AVEN: variants seen among roughly 807,000 people sequenced by gnomAD.
AVEN encodes apoptosis and caspase activation inhibitor, also known as cell death regulator Aven.
Under a neutral mutation model 38.1 loss-of-function variants are expected in AVEN, and 41 were observed. The observed-to-expected ratio is 1.08, with a 90% CI of 0.84 to 1.40. The LOEUF is 1.40. Among genes scored for constraint, AVEN ranks in the 40% most tolerant of loss-of-function variants. The pLI is 0.00. For synonymous variants in AVEN, 206 were observed against 171.8 expected, an observed-to-expected ratio of 1.20 and a Z score of -1.56; for missense variants, 605 against 438.8, an observed-to-expected ratio of 1.38 and a Z score of -3.38.
chr15:33,855,001 G>A (rs572406278), downstream of AVEN: 28 of 1,277,384 alleles, frequency 2.2e-5, no homozygotes, highest in Non-Finnish European at 2.7e-5. Flanking sequence ...ATGACAGGAA[G>A]GAATATGTCT....
In AVEN at chr15:33,859,097, G is replaced by C. The variant is rs151056044; in HGVS notation, n.2730-3C>G. 673 of 154,856 alleles carry C rather than the reference G, an allele frequency of 4.3e-3. 7 individuals are homozygous for C. The highest frequency in any genetic ancestry group is 0.016 in the African/African-American group (653 of 41,602). 9.6% of individuals were successfully genotyped at this position (154,856 alleles called of 1,614,324 possible). ...CCCGTGCCTAGATTGGCTCAAACCT[G>C]CAGAACAGGAGGAGCAGAAAAGTCC... is the stretch of plus-strand genomic sequence containing the variant. On this transcript the variant is annotated splice_polypyrimidine_tract_variant and splice_region_variant and intron_variant and non_coding_transcript_variant, in intron 11 of 11. Coordinates refer to the AVEN transcript ENST00000675287.
At chr15:33,852,777 C>T in the AVEN span, 1 of 372,182 alleles carries the variant, frequency 2.7e-6, no homozygotes, top group Non-Finnish European at 5.0e-6. Flanking sequence ...TCTGTCATCA[C>T]AATTCTTGGC....
chr15:33,863,268 C>G (rs534018878), downstream of AVEN, among the ~76,000 whole-genome samples: 1 of 152,244 alleles, frequency 6.6e-6, no homozygotes, highest in South Asian at 2.1e-4. Flanking sequence ...CCCTACGTAT[C>G]AAACAGGATA....
chr15:34,014,722 C>T (rs946398004), intron 1 of AVEN, among the ~76,000 whole-genome samples: 3 of 152,074 alleles, frequency 2.0e-5, no homozygotes, highest in South Asian at 2.1e-4. Flanking sequence ...CTGGGAACAG[C>T]GGCTAAATAT....
chr15:34,044,305 G>A (rs1899602570), intron 5 of AVEN, among the ~76,000 whole-genome samples: 1 of 152,132 alleles, frequency 6.6e-6, no homozygotes, highest in South Asian at 2.1e-4. Flanking sequence ...TGATCTCCAT[G>A]TAACTAAATC....
At chr15:33,963,243 T>C (rs1402753449) in intron 2 of AVEN, among the ~76,000 whole-genome samples, 1 of 152,206 alleles carries the variant, frequency 6.6e-6, no homozygotes, top group East Asian at 1.9e-4. Context: ...GTGCTTTGCA[T>C]GGGTTAATCA....
At chr15:33,896,774 C>T (rs1284960612) in intron 2 of AVEN, among the ~76,000 whole-genome samples, 1 of 152,166 alleles carries the variant, frequency 6.6e-6, no homozygotes, top group Non-Finnish European at 1.5e-5. Context: ...TTTTAAGATC[C>T]TTCAAATCTG....
chr15:33,993,611 A>T (rs1896815292), intron 2 of AVEN, among the ~76,000 whole-genome samples: 1 of 152,206 alleles, frequency 6.6e-6, no homozygotes, highest in Non-Finnish European at 1.5e-5. Context: ...GATCTGTAAA[A>T]TAAAAAATTG....
intron 1 of AVEN, among the ~76,000 whole-genome samples, chr15:34,009,134 T>C (rs1053612565): frequency 2.6e-5 from 4 of 151,900 alleles, no homozygotes; most frequent in Non-Finnish European, 5.9e-5. Context: ...AAAAATAAAC[T>C]GTCAGCCAAG....
At chr15:34,006,155 C>CA (rs1325050294) in intron 1 of AVEN, among the ~76,000 whole-genome samples, 1 of 151,966 alleles carries the variant, frequency 6.6e-6, no homozygotes, top group Non-Finnish European at 1.5e-5. Flanking sequence ...ACTAAAAATA[C>CA]AAAAAATTAA....
chr15:34,038,093 A>G (rs1317531219), intron 1 of AVEN, among the ~76,000 whole-genome samples: 2 of 152,186 alleles, frequency 1.3e-5, no homozygotes, highest in African/African-American at 4.8e-5. Flanking sequence ...TGATATTGCT[A>G]TTAAAACTCA....
At chr15:34,034,842 C>T (rs764938819) in intron 1 of AVEN, among the ~76,000 whole-genome samples, 1 of 152,308 alleles carries the variant, frequency 6.6e-6, no homozygotes, top group Non-Finnish European at 1.5e-5. Flanking sequence ...TGTTGGGACA[C>T]TTAAGCACAT....
downstream of AVEN, chr15:33,865,042 C>T: frequency 4.3e-6 from 4 of 938,834 alleles, no homozygotes; most frequent in Non-Finnish European, 6.8e-6. Flanking sequence ...ATCAGTCTTC[C>T]TAAAGGGAGC....
Position 33,866,491 on chromosome 15 carries a change from G to A in AVEN, c.*122C>T. On this transcript the variant is annotated 3_prime_UTR_variant, in exon 6 of 6. Coordinates refer to ENST00000306730, the MANE Select transcript of AVEN (RefSeq NM_020371.3). ...CAGAGGTAGGCATTTACTGCTGTGAGCATAATGGAACACACTAGCTTGAGA... is the reference window on the plus strand; with the variant it reads ...CAGAGGTAGGCATTTACTGCTGTGAACATAATGGAACACACTAGCTTGAGA... The A allele has an allele frequency of 1.5e-6, 1 of 670,570 alleles. No individual in the cohort carries two copies. Among genetic ancestry groups the A allele is most frequent in the South Asian group, 1.9e-5 (1 of 53,428 alleles). 41.5% of individuals were successfully genotyped at this position (670,570 alleles called of 1,614,324 possible).
At chr15:34,064,214 CA>C (rs1190226043) in intron 4 of AVEN, 4 of 1,614,040 alleles carry the variant, frequency 2.5e-6, no homozygotes, top group Non-Finnish European at 3.4e-6. Flanking sequence ...CCCTCTGCAA[CA>C]GAACCTTCAG....
chr15:33,862,262 G>C (rs12148517), downstream of AVEN, among the ~76,000 whole-genome samples: 98,060 of 152,068 alleles, frequency 0.64, 32,923 homozygotes, highest in Non-Finnish European at 0.75. Context: ...GCCCAGGCTC[G>C]AGTGCAGTGG....
chr15:33,961,630 G>A (rs8028077), intron 2 of AVEN, among the ~76,000 whole-genome samples: 97,899 of 150,330 alleles, frequency 0.65, 38,618 homozygotes, highest in Non-Finnish European at 0.87. Flanking sequence ...TGGCTAACAC[G>A]GTGAAACCCC....
intron 2 of AVEN, among the ~76,000 whole-genome samples, chr15:33,956,443 A>G (rs955502981): frequency 1.3e-5 from 2 of 152,230 alleles, no homozygotes; most frequent in Non-Finnish European, 2.9e-5. Context: ...GAGTGCATTG[A>G]GCATCTTTTC....
chr15:34,042,134 C>T (rs1353255548), upstream of AVEN, among the ~76,000 whole-genome samples: 8 of 152,208 alleles, frequency 5.3e-5, no homozygotes, highest in Admixed American at 2.6e-4. Flanking sequence ...AAAAATACCA[C>T]ACAAGTACCT....
Sources: gnomAD v4.1 joint callset for allele counts (sites outside exome capture counted in the v4.1 genomes callset) on GRCh38, gnomAD v4.1.1 for gene constraint, MANE v1.5 for transcripts, NCBI Gene and HGNC (gene_info 2026-07-23, HGNC 2026-07-21) for gene names.